HSD17B4: variants seen among roughly 807,000 people sequenced by gnomAD.
HSD17B4 encodes the protein peroxisomal multifunctional enzyme type 2.
A neutral mutation model predicts 101.0 loss-of-function variants in HSD17B4; 70 were observed. That is an observed-to-expected ratio of 0.69 (90% confidence interval 0.57 to 0.85). The LOEUF (loss-of-function observed/expected upper bound fraction) is 0.85. Among genes scored for constraint, HSD17B4 ranks in the 40% least tolerant of loss-of-function variants. HSD17B4 has a pLI of 0.00. For synonymous variants in HSD17B4, 347 were observed against 297.1 expected, an observed-to-expected ratio of 1.17 and a Z score of -1.73; for missense variants, 984 against 892.4, an observed-to-expected ratio of 1.10 and a Z score of -1.31.
intron 2 of HSD17B4, among the ~76,000 whole-genome samples, chr5:119,457,935 A>G (rs1353289413): frequency 6.6e-6 from 1 of 152,174 alleles, no homozygotes; most frequent in African/African-American, 2.4e-5. Flanking sequence ...AACTTAGTTT[A>G]TAAACCTGTT....
Position 119,477,501 on chromosome 5 carries a change from G to T in HSD17B4, c.434G>T (p.Arg145Met). The T allele has an allele frequency of 6.2e-7, 1 of 1,607,528 alleles. No individual in the cohort carries two copies. Among genetic ancestry groups the T allele is most frequent in the East Asian group, 2.2e-5 (1 of 44,832 alleles). The change falls in exon 7 of 24, where the codon AGG (arginine) becomes ATG (methionine). Residue 145 changes from arginine (R) to methionine (M), a missense_variant and splice_region_variant. Arg to Met is a moderately conservative substitution (Grantham distance 91). Coordinates refer to ENST00000510025, the MANE Select transcript of HSD17B4 (RefSeq NM_000414.4). ...CACATGAAGAAACAGAAGTATGGAA[G>T]GTAGAGTTGCATGTGGTTGTCAAGG... ...WEHMKKQKYG[R>M]IIMTSSASGI...
chr5:119,481,253 A>T (rs1233748689), intron 8 of HSD17B4, among the ~76,000 whole-genome samples: 3 of 152,150 alleles, frequency 2.0e-5, no homozygotes, highest in Non-Finnish European at 4.4e-5. Flanking sequence ...CAAAAGTATT[A>T]ATTTGGGGAA....
chr5:119,538,568 A>C (rs558854982), intron 23 of HSD17B4, among the ~76,000 whole-genome samples: 1 of 152,298 alleles, frequency 6.6e-6, no homozygotes, highest in South Asian at 2.1e-4. Context: ...ACGTGTATAA[A>C]ATCCAAGTTA....
intron 13 of HSD17B4, chr5:119,499,776 G>A (rs1370219884): frequency 3.1e-6 from 1 of 322,200 alleles, no homozygotes; most frequent in African/African-American, 2.2e-5. Flanking sequence ...AGTATGTGTA[G>A]TCCCATAACC....
chr5:119,497,304 G>A (rs537088165), intron 12 of HSD17B4, among the ~76,000 whole-genome samples: 1 of 152,266 alleles, frequency 6.6e-6, no homozygotes, highest in East Asian at 1.9e-4. Flanking sequence ...GACTCAGGGA[G>A]GTACTGAATG....
chr5:119,499,590 T>C, intron 13 of HSD17B4, 37 bp downstream of exon 13: 1 of 1,158,864 alleles, frequency 8.6e-7, no homozygotes, highest in Non-Finnish European at 1.3e-6. Context: ...TGCTTTTCTA[T>C]TTCTGTAAAT....
chr5:119,483,935 G>T (rs1052727141), intron 8 of HSD17B4, among the ~76,000 whole-genome samples: 1 of 152,118 alleles, frequency 6.6e-6, no homozygotes, highest in African/African-American at 2.4e-5. Flanking sequence ...TCTAGAAAGA[G>T]ATATTTTTCG....
chr5:119,489,930 A>C (rs1490563125), intron 9 of HSD17B4, among the ~76,000 whole-genome samples: 1 of 152,084 alleles, frequency 6.6e-6, no homozygotes, highest in Non-Finnish European at 1.5e-5. Context: ...TCTTTGATGA[A>C]AGTTCTTTTA....
chr5:119,468,660 C>A (rs1756048599), intron 2 of HSD17B4, among the ~76,000 whole-genome samples: 1 of 152,092 alleles, frequency 6.6e-6, no homozygotes, highest in Non-Finnish European at 1.5e-5. Context: ...GTCCATCTTT[C>A]TTTCAGGACT....
intron 2 of HSD17B4, among the ~76,000 whole-genome samples, chr5:119,464,445 G>A (rs1184942283): frequency 2.0e-5 from 3 of 152,124 alleles, no homozygotes; most frequent in Non-Finnish European, 2.9e-5. Context: ...TGAAGAGACT[G>A]TCATTTCCCC....
In HSD17B4 at chr5:119,478,884, C is replaced by A. The variant is rs1748849785; in HGVS notation, c.485C>A (p.Ala162Asp). 1 of 1,613,502 alleles carries A rather than the reference C, an allele frequency of 6.2e-7. No individual in the cohort carries two copies. Among genetic ancestry groups the A allele is most frequent in the African/African-American group, 1.3e-5 (1 of 74,852 alleles). ...ASGIYGNFGQ[A>D]NYSAAKLGLL... ...GGAATATATGGCAACTTTGGCCAGG[C>A]CAATTATAGTGCTGCAAAGTTGGGT... Residue 162 changes from alanine (A) to aspartate (D), a missense_variant, in exon 8 of 24, where the codon GCC (alanine) becomes GAC (aspartate). Coordinates refer to ENST00000510025, the MANE Select transcript of HSD17B4 (RefSeq NM_000414.4).
intron 11 of HSD17B4, 134 bp downstream of exon 11, chr5:119,494,080 C>A: frequency 1.2e-6 from 1 of 829,270 alleles, no homozygotes; most frequent in Non-Finnish European, 2.0e-6. Context: ...ATTTTCTGCT[C>A]TAGTAGGTAT....
Position 119,529,909 on chromosome 5 carries a change from G to T in HSD17B4, c.1783G>T (p.Asp595Tyr). Residue 595 changes from aspartate (D) to tyrosine (Y), a missense_variant, in exon 21 of 24, where the codon GAC becomes TAC. Physicochemically the swap from Asp to Tyr is radical, Grantham distance 160. Coordinates refer to ENST00000510025, the MANE Select transcript of HSD17B4 (RefSeq NM_000414.4). ...TCCTCCTAAGGTCCAAGAAACTGGA[G>T]ACATTGTCATTTCAAATGCATATGT... Reference protein sequence around the residue: ...HFQTKVQETGDIVISNAYVDL... With the variant: ...HFQTKVQETGYIVISNAYVDL... 6.2e-7 allele frequency: 1 copy of T among 1,602,164 alleles called. No homozygotes were observed.
At chr5:119,530,011 T>G in intron 21 of HSD17B4, 31 bp downstream of exon 21, 1 of 1,286,690 alleles carries the variant, frequency 7.8e-7, no homozygotes, top group Non-Finnish European at 1.1e-6. Flanking sequence ...TCCAAGCCAC[T>G]TCCTCATTTA....
rs1561463486 is a variant in HSD17B4, at chr5:119,499,429, AATTT to A, written c.1092_1095del (p.Ile364MetfsTer17). The A allele has an allele frequency of 6.2e-7, 1 of 1,613,784 alleles. No individual in the cohort carries two copies. The highest frequency in any genetic ancestry group is 1.1e-5 in the South Asian group (1 of 91,074). On this transcript the variant is annotated frameshift_variant, in exon 13 of 24. Transcript: ENST00000510025. LOFTEE classifies it high-confidence loss of function. ...TCAATCAAGGATCCAAAAGATTTGA[AATTT>A]ATTTATGAAGGAAGTTCTGATTTCT...
intron 6 of HSD17B4, among the ~76,000 whole-genome samples, chr5:119,476,880 A>G (rs1263193206): frequency 6.6e-6 from 1 of 152,218 alleles, no homozygotes; most frequent in African/African-American, 2.4e-5. Flanking sequence ...AGAATGCTTA[A>G]AAAACTTGAC....
At chr5:119,506,543 T>G (rs533643467) in intron 14 of HSD17B4, among the ~76,000 whole-genome samples, 6 of 152,296 alleles carry the variant, frequency 3.9e-5, no homozygotes, top group African/African-American at 1.4e-4. Flanking sequence ...GTAATGGGAT[T>G]GCTGGGTCAA....
chr5:119,519,051 T>A (rs909169931), intron 17 of HSD17B4, among the ~76,000 whole-genome samples: 1 of 152,148 alleles, frequency 6.6e-6, no homozygotes, highest in Non-Finnish European at 1.5e-5. Context: ...AGGTGGAGGA[T>A]CACTTGAGCC....
chr5:119,532,069 A>T (rs1442955724), intron 22 of HSD17B4, among the ~76,000 whole-genome samples: 2 of 152,162 alleles, frequency 1.3e-5, no homozygotes, highest in Non-Finnish European at 2.9e-5. Flanking sequence ...ATAAAGAAAA[A>T]ATATTCTGTC....
Sources: allele counts gnomAD v4.1 joint callset (sites outside exome capture counted in the v4.1 genomes callset), GRCh38; gene constraint gnomAD v4.1.1; transcripts MANE v1.5; gene names NCBI Gene and HGNC (gene_info 2026-07-23, HGNC 2026-07-21).